R3HDM1: variants seen among roughly 807,000 people sequenced by gnomAD.
The protein encoded by R3HDM1 is R3H domain-containing protein 1.
R3HDM1 carries 46 observed loss-of-function variants against 141.1 expected under a neutral mutation model. That is an observed-to-expected ratio of 0.33 (90% CI 0.26 to 0.42). The LOEUF is 0.42. R3HDM1 is among the 10% of genes least tolerant of loss of function. The pLI is 1.00. For missense variants in R3HDM1, 1,184 were observed against 1,368.3 expected, an observed-to-expected ratio of 0.87 and a Z score of 2.12; for synonymous variants, 435 against 472.9, an observed-to-expected ratio of 0.92 and a Z score of 1.04.
At chr2:135,532,063 C>T (rs531119489) in intron 1 of R3HDM1, among the ~76,000 whole-genome samples, 31 of 152,360 alleles carry the variant, frequency 2.0e-4, no homozygotes, top group Admixed American at 2.6e-4. Flanking sequence ...GAGCCAGCCA[C>T]AGCAGGCCTG....
At chr2:135,621,033 G>A (rs1390800241) in intron 5 of R3HDM1, among the ~76,000 whole-genome samples, 1 of 152,028 alleles carries the variant, frequency 6.6e-6, no homozygotes, top group Non-Finnish European at 1.5e-5. Flanking sequence ...TATGGTAGGA[G>A]AATGAAGGAA....
At chr2:135,556,661 A>G (rs1257273474) in intron 1 of R3HDM1, among the ~76,000 whole-genome samples, 1 of 151,752 alleles carries the variant, frequency 6.6e-6, no homozygotes, top group African/African-American at 2.4e-5. Context: ...TGGGACTACA[A>G]GCACCCACCA....
chr2:135,650,213 C>T (rs750589663), intron 17 of R3HDM1: 2 of 975,848 alleles, frequency 2.0e-6, no homozygotes, highest in Non-Finnish European at 2.4e-6. Flanking sequence ...ATTGTTTAAC[C>T]TTTTCCTGCT....
chr2:135,603,983 C>G (rs895931501), intron 2 of R3HDM1, among the ~76,000 whole-genome samples: 1 of 152,162 alleles, frequency 6.6e-6, no homozygotes, highest in African/African-American at 2.4e-5. Context: ...ATACATTAAT[C>G]CAGTGCAAAA....
At chr2:135,678,389 A>G (rs2105349054) in intron 20 of R3HDM1, among the ~76,000 whole-genome samples, 1 of 152,226 alleles carries the variant, frequency 6.6e-6, no homozygotes, top group East Asian at 1.9e-4. Context: ...TCTTATAGCT[A>G]GTAAGTGGGA....
At chr2:135,670,969 G>A (rs1403635395) in intron 19 of R3HDM1, among the ~76,000 whole-genome samples, 2 of 151,954 alleles carry the variant, frequency 1.3e-5, no homozygotes, top group African/African-American at 2.4e-5. Flanking sequence ...TAAAACAGGA[G>A]AGTCGTTTGA....
chr2:135,631,749 G>T lies in R3HDM1; in HGVS notation c.529G>T (p.Glu177Ter). The T allele has an allele frequency of 1.3e-6, 2 of 1,570,064 alleles. No homozygotes were observed. The highest frequency in any genetic ancestry group is 2.4e-5 in the South Asian group (2 of 82,844). ...DRMMLLKLEQ[E>*]ILDFIGNNES... ...AATGATGCTGCTGAAATTGGAACAA[G>T]AAATTTTAGATTTCATTGGTAATAA... The change falls in exon 8 of 27, where the codon GAA (glutamate) becomes TAA (stop). Residue 177 changes from glutamate to a stop codon, truncating the protein, a stop_gained. Coordinates refer to ENST00000683871, the MANE Select transcript of R3HDM1 (RefSeq NM_001378107.1). LOFTEE classifies it high-confidence loss of function.
At chr2:135,623,175 G>T (rs1234430072) in intron 7 of R3HDM1, 1 of 411,678 alleles carries the variant, frequency 2.4e-6, no homozygotes, top group Admixed American at 6.4e-5. Flanking sequence ...GTGTTTATTT[G>T]AGTCAGTACT....
intron 17 of R3HDM1, 148 bp from the exon 18 acceptor site, chr2:135,651,582 T>C (rs965686452): frequency 8.1e-7 from 1 of 1,236,544 alleles, no homozygotes; most frequent in East Asian, 3.0e-5. Context: ...TTTGAAGCTT[T>C]ACCCTATTAC....
At chr2:135,645,634 A>G in intron 16 of R3HDM1, 107 bp downstream of exon 16, 1 of 1,342,750 alleles carries the variant, frequency 7.4e-7, no homozygotes, top group South Asian at 1.4e-5. Flanking sequence ...TTAGAACTTT[A>G]ATATTCTGCC....
chr2:135,539,871 T>C (rs546562403), intron 1 of R3HDM1, among the ~76,000 whole-genome samples: 18 of 152,158 alleles, frequency 1.2e-4, no homozygotes, highest in Non-Finnish European at 2.4e-4. Flanking sequence ...TTGCTGAAGG[T>C]TGGAGTGGCT....
chr2:135,577,726 T>C (rs1559157394), intron 1 of R3HDM1, among the ~76,000 whole-genome samples: 1 of 150,414 alleles, frequency 6.6e-6, no homozygotes, highest in Non-Finnish European at 1.5e-5. Flanking sequence ...TAATCCCAGC[T>C]ACTTGGGAGG....
intron 6 of R3HDM1, 160 bp from the exon 7 acceptor site, chr2:135,622,494 C>T (rs2061605971): frequency 7.1e-6 from 7 of 984,192 alleles, no homozygotes; most frequent in African/African-American, 1.8e-5. Flanking sequence ...ATAGAAACAT[C>T]GTGGTCACCT....
At chr2:135,699,021 A>AGATT (rs2073751618) in intron 21 of R3HDM1, among the ~76,000 whole-genome samples, 1 of 120,100 alleles carries the variant, frequency 8.3e-6, no homozygotes. Context: ...ATAGATAGAT[A>AGATT]GATAGATAGA....
chr2:135,554,148 C>A (rs1700305665), intron 1 of R3HDM1, among the ~76,000 whole-genome samples: 1 of 152,182 alleles, frequency 6.6e-6, no homozygotes. Flanking sequence ...CAAAAAGAAA[C>A]CCCATACCCA....
chr2:135,567,972 G>A (rs982464871), intron 1 of R3HDM1, among the ~76,000 whole-genome samples: 3 of 141,046 alleles, frequency 2.1e-5, no homozygotes, highest in African/African-American at 5.4e-5. Flanking sequence ...GCCTGGTCTC[G>A]AACTCCTGGC....
intron 21 of R3HDM1, among the ~76,000 whole-genome samples, chr2:135,693,011 CTT>C (rs1029794049): frequency 6.6e-6 from 1 of 151,962 alleles, no homozygotes; most frequent in South Asian, 2.1e-4. Flanking sequence ...GGTCGGCAGA[CTT>C]TTTCTGAAAC....
intron 14 of R3HDM1, among the ~76,000 whole-genome samples, chr2:135,639,739 A>G (rs1046113561): frequency 6.6e-6 from 1 of 152,210 alleles, no homozygotes; most frequent in Non-Finnish European, 1.5e-5. Context: ...AAAGAAGCTC[A>G]TATGTTTTTA....
chr2:135,721,862 A>T, intron 24 of R3HDM1, 62 bp from the exon 25 acceptor site: 1 of 1,434,916 alleles, frequency 7.0e-7, no homozygotes, highest in Non-Finnish European at 9.7e-7. Context: ...TGCTAGGATT[A>T]CAGGCATGAA....
Sources: allele counts gnomAD v4.1 joint callset (sites outside exome capture counted in the v4.1 genomes callset), GRCh38; gene constraint gnomAD v4.1.1; transcripts MANE v1.5; gene names NCBI Gene and HGNC (gene_info 2026-07-23, HGNC 2026-07-21).